The following SAMSN1 variants were observed in gnomAD, a reference collection of about 807,000 sequenced individuals.
SAMSN1 encodes SAM domain-containing protein SAMSN-1.
SAMSN1 carries 31 observed loss-of-function variants against 42.0 expected under a neutral mutation model. That is an observed-to-expected ratio of 0.74 (90% CI 0.55 to 1.00). SAMSN1 has a LOEUF of 1.00. Among genes scored for constraint, SAMSN1 ranks in the 50% least tolerant of loss-of-function variants. The pLI is 0.00. For missense variants in SAMSN1, 464 were observed against 439.4 expected (o/e 1.06, Z -0.50); for synonymous variants, 178 against 151.9 (o/e 1.17, Z -1.26).
At chr21:14,577,335 G>A (rs1382110230) in intron 2 of SAMSN1, among the ~76,000 whole-genome samples, 5 of 126,328 alleles carry the variant, frequency 4.0e-5, no homozygotes, top group African/African-American at 1.2e-4. Flanking sequence ...GGATGGTCTC[G>A]ATCTCCTGAC....
At chr21:14,552,720 C>T (rs187800694) in intron 2 of SAMSN1, among the ~76,000 whole-genome samples, 14 of 152,174 alleles carry the variant, frequency 9.2e-5, no homozygotes, top group Admixed American at 5.9e-4. Context: ...GGCATCTGTC[C>T]GTAAAGTTAC....
At chr21:14,599,804 T>C (rs536691999) in intron 6 of SAMSN1, among the ~76,000 whole-genome samples, 21 of 152,296 alleles carry the variant, frequency 1.4e-4, no homozygotes, top group Admixed American at 1.3e-3. Context: ...CCATCATAAT[T>C]GTGACCCAAA....
chr21:14,498,761 T>G (rs1233708775), intron 6 of SAMSN1, among the ~76,000 whole-genome samples, 169 bp from the exon 7 acceptor site: 2 of 152,232 alleles, frequency 1.3e-5, no homozygotes, highest in African/African-American at 2.4e-5. Flanking sequence ...CCAGGGCTCT[T>G]AAATGATTAT....
chr21:14,629,018 G>A (rs1298754635), intron 2 of SAMSN1, among the ~76,000 whole-genome samples: 3 of 152,082 alleles, frequency 2.0e-5, no homozygotes, highest in Admixed American at 6.6e-5. Flanking sequence ...GGTTTTGTGC[G>A]TGGTGTCTTC....
intron 6 of SAMSN1, among the ~76,000 whole-genome samples, chr21:14,599,626 C>G (rs1982376097): frequency 6.6e-6 from 1 of 152,118 alleles, no homozygotes; most frequent in African/African-American, 2.4e-5. Flanking sequence ...AGTTCTCACT[C>G]TATTAGTTCC....
chr21:14,526,763 C>T (rs1192171531), intron 1 of SAMSN1, among the ~76,000 whole-genome samples: 2 of 152,124 alleles, frequency 1.3e-5, no homozygotes, highest in African/African-American at 4.8e-5. Context: ...ATAAAAATTA[C>T]GGCAAAGTTA....
intron 6 of SAMSN1, among the ~76,000 whole-genome samples, chr21:14,595,835 C>A (rs1248202151): frequency 1.3e-5 from 2 of 152,104 alleles, no homozygotes; most frequent in African/African-American, 4.8e-5. Flanking sequence ...GCTGAAGTGA[C>A]TGCAACAAGT....
At chr21:14,561,583 G>C (rs976843907) in intron 2 of SAMSN1, among the ~76,000 whole-genome samples, 3 of 152,156 alleles carry the variant, frequency 2.0e-5, no homozygotes, top group Admixed American at 2.0e-4. Flanking sequence ...GAAGCATTTG[G>C]ATGGCATGTG....
chr21:14,494,827 GT>G (rs796941439), intron 7 of SAMSN1, among the ~76,000 whole-genome samples: 3 of 152,034 alleles, frequency 2.0e-5, no homozygotes, highest in Admixed American at 6.6e-5. Context: ...TAGAAGTCTG[GT>G]TTTTTTCCCT....
chr21:14,619,142 A>C (rs1402469409), intron 2 of SAMSN1, among the ~76,000 whole-genome samples: 1 of 152,232 alleles, frequency 6.6e-6, no homozygotes, highest in Non-Finnish European at 1.5e-5. Context: ...TAAATTGTAG[A>C]TATCAAATAT....
chr21:14,573,846 G>A (rs562587837), intron 2 of SAMSN1, among the ~76,000 whole-genome samples: 3 of 152,282 alleles, frequency 2.0e-5, no homozygotes, highest in African/African-American at 7.2e-5. Context: ...TAAGCTCATA[G>A]CTGACTCTTC....
intron 5 of SAMSN1, among the ~76,000 whole-genome samples, chr21:14,503,373 G>A (rs1859287971): frequency 6.6e-6 from 1 of 152,028 alleles, no homozygotes; most frequent in South Asian, 2.1e-4. Flanking sequence ...CAAGAAAATG[G>A]GGTCCTTAGT....
At chr21:14,583,802 A>G, upstream of SAMSN1, 1 of 707,704 alleles carries the variant, frequency 1.4e-6, no homozygotes, top group Non-Finnish European at 2.6e-6. Flanking sequence ...CTCAAGGTAA[A>G]GACAAATTAT....
chr21:14,552,258 G>A (rs1276016358), intron 2 of SAMSN1, among the ~76,000 whole-genome samples: 1 of 152,114 alleles, frequency 6.6e-6, no homozygotes, highest in Admixed American at 6.6e-5. Flanking sequence ...AAAAATGGGT[G>A]TAGGTAATCA....
chr21:14,515,380 C>T (rs73173205), intron 3 of SAMSN1, among the ~76,000 whole-genome samples: 9 of 151,476 alleles, frequency 5.9e-5, no homozygotes, highest in Non-Finnish European at 4.4e-5. Context: ...ACAAGAGTAC[C>T]GAGACAATCA....
chr21:14,487,213 C>A (rs1210977750), intron 7 of SAMSN1, among the ~76,000 whole-genome samples: 1 of 152,170 alleles, frequency 6.6e-6, no homozygotes, highest in African/African-American at 2.4e-5. Flanking sequence ...CACTTCATCC[C>A]ATTCCAGTGA....
intron 2 of SAMSN1, among the ~76,000 whole-genome samples, chr21:14,581,580 C>T (rs888732900): frequency 4.0e-5 from 6 of 151,136 alleles, no homozygotes; most frequent in South Asian, 2.1e-4. Flanking sequence ...AGGATGGTCT[C>T]GATCTCCTGA....
chr21:14,488,280 C>A (rs1038879596), intron 7 of SAMSN1, among the ~76,000 whole-genome samples: 3 of 152,110 alleles, frequency 2.0e-5, no homozygotes, highest in Non-Finnish European at 4.4e-5. Flanking sequence ...GCCAATATTA[C>A]CTCAATGCAA....
At position 14,502,133 on chromosome 21, in the gene SAMSN1, C is replaced by G. The variant is rs558299549; in HGVS notation, c.562-1398G>C. On this transcript the variant is annotated intron_variant, in intron 5 of 7. Transcript: ENST00000400566. ...CTACTAAAAATATTTTTTCCTGCTG[C>G]TCTGAGAATGTGTGTTCTTCCATCT... Among the ~76,000 whole-genome samples the G allele has an allele frequency of 2.6e-5, 4 of 152,238 alleles. No homozygotes were observed. The South Asian group carries it at 8.3e-4, about 32-fold the overall frequency.
Sources: allele counts gnomAD v4.1 joint callset (sites outside exome capture counted in the v4.1 genomes callset), GRCh38; gene constraint gnomAD v4.1.1; transcripts MANE v1.5; gene names NCBI Gene and HGNC (gene_info 2026-07-23, HGNC 2026-07-21).